HSD17B2: variants seen among roughly 807,000 people sequenced by gnomAD.
The protein encoded by HSD17B2 is 17-beta-hydroxysteroid dehydrogenase type 2.
HSD17B2 carries 32 observed loss-of-function variants against 26.9 expected under a neutral mutation model. The observed-to-expected ratio is 1.19, with a 90% confidence interval of 0.90 to 1.60. The LOEUF is 1.60. Ranked by LOEUF, HSD17B2 falls within the 40% of genes most tolerant of loss-of-function variation. The pLI, the probability that HSD17B2 is intolerant of heterozygous loss-of-function variation, is 0.00. For missense variants in HSD17B2, 613 were observed against 468.6 expected, an observed-to-expected ratio of 1.31 and a Z score of -2.85; for synonymous variants, 246 against 186.7, an observed-to-expected ratio of 1.32 and a Z score of -2.59.
At chr16:82,056,984 G>C (rs1307400834) in intron 1 of HSD17B2, among the ~76,000 whole-genome samples, 4 of 152,142 alleles carry the variant, frequency 2.6e-5, no homozygotes, top group East Asian at 1.9e-4. Flanking sequence ...GCTCTAAATA[G>C]CCAAAGCTAG....
chr16:82,049,428 G>T (rs929553705), intron 1 of HSD17B2, among the ~76,000 whole-genome samples: 1 of 152,214 alleles, frequency 6.6e-6, no homozygotes, highest in African/African-American at 2.4e-5. Flanking sequence ...CAAGTGCCAG[G>T]TACAAAGCAA....
At chr16:82,056,251 G>C (rs1914263824) in intron 1 of HSD17B2, among the ~76,000 whole-genome samples, 1 of 152,208 alleles carries the variant, frequency 6.6e-6, no homozygotes, top group African/African-American at 2.4e-5. Context: ...CCTTGGGATA[G>C]TGGGGCAATT....
chr16:82,048,763 T>C lies in HSD17B2; in HGVS notation c.265+13074T>C, dbSNP rs1432338988. Among the ~76,000 whole-genome samples the C allele has an allele frequency of 9.8e-5, 15 of 152,348 alleles. No homozygotes were observed. The East Asian group carries it at 2.5e-3, about 25-fold the overall frequency. Reference sequence around the variant, plus strand: ...TGGTTAGAAAGGCAATTTACTTATATAGGAAATCTTCAATTGTTTGTGGTG... The same window carrying C: ...TGGTTAGAAAGGCAATTTACTTATACAGGAAATCTTCAATTGTTTGTGGTG... On this transcript the variant is annotated intron_variant, in intron 1 of 4. Transcript: ENST00000199936.
intron 1 of HSD17B2, among the ~76,000 whole-genome samples, chr16:82,050,361 C>T (rs929694509): frequency 1.3e-5 from 2 of 152,014 alleles, no homozygotes; most frequent in African/African-American, 2.4e-5. Context: ...AATTCGTTCT[C>T]GGTGCTGAGG....
chr16:82,076,352 A>G (rs906053482), intron 3 of HSD17B2, among the ~76,000 whole-genome samples: 4 of 152,220 alleles, frequency 2.6e-5, no homozygotes, highest in Non-Finnish European at 5.9e-5. Context: ...CACTTTCACC[A>G]CTGTTATTCC....
At chr16:82,066,621 G>C (rs1173332307) in intron 1 of HSD17B2, among the ~76,000 whole-genome samples, 1 of 152,084 alleles carries the variant, frequency 6.6e-6, no homozygotes, top group Non-Finnish European at 1.5e-5. Context: ...GGAAAACTTA[G>C]GGAATCTCTC....
chr16:82,065,589 G>A (rs552789004), intron 1 of HSD17B2, among the ~76,000 whole-genome samples: 1 of 152,244 alleles, frequency 6.6e-6, no homozygotes, highest in East Asian at 1.9e-4. Flanking sequence ...CACCCAGCAG[G>A]GTGTGTATAA....
chr16:82,046,821 G>T (rs1913944684), intron 1 of HSD17B2, among the ~76,000 whole-genome samples: 1 of 152,224 alleles, frequency 6.6e-6, no homozygotes, highest in African/African-American at 2.4e-5. Flanking sequence ...CAACGATGAA[G>T]AAATTGAGGT....
At chr16:82,097,649 C>A in intron 4 of HSD17B2, 1 of 152,584 alleles carries the variant, frequency 6.6e-6, no homozygotes, top group Admixed American at 6.5e-5. Flanking sequence ...TTTTAAAAGG[C>A]GTTTGCAGGC....
At chr16:82,055,111 A>G (rs372912925) in intron 1 of HSD17B2, among the ~76,000 whole-genome samples, 41 of 152,000 alleles carry the variant, frequency 2.7e-4, no homozygotes, top group Admixed American at 3.9e-4. Context: ...CCTGGGGGGG[A>G]ACTGAAAATC....
chr16:82,041,449 G>A (rs150830231), intron 1 of HSD17B2, among the ~76,000 whole-genome samples: 187 of 152,332 alleles, frequency 1.2e-3, no homozygotes, highest in African/African-American at 3.9e-3. Flanking sequence ...TTGTTCTGTA[G>A]TGACTTAATT....
chr16:82,054,208 G>GAAAAAAAAAAAA (rs74264895), intron 1 of HSD17B2, among the ~76,000 whole-genome samples: 1 of 85,706 alleles, frequency 1.2e-5, no homozygotes, highest in African/African-American at 3.8e-5. Context: ...CCCACATATC[G>GAAAAAAAAAAAA]AAAAAAAAAA....
rs902320781 is a variant in HSD17B2 at position 82,047,183 on chromosome 16, A to T, written c.265+11494A>T. Among the ~76,000 whole-genome samples, 4 of 152,342 alleles carry T rather than the reference A, an allele frequency of 2.6e-5. No homozygotes were observed. In the South Asian group the frequency reaches 8.3e-4, roughly 32 times the overall value. On this transcript the variant is annotated intron_variant, in intron 1 of 4. Coordinates refer to ENST00000199936, the MANE Select transcript of HSD17B2 (RefSeq NM_002153.3). ...GGTGGCACTTCTCCAGTGAGCAATC[A>T]TAAGTGCTCTGTGCTCATGAAGCTT...
chr16:82,096,506 G>C (rs1904843009), intron 4 of HSD17B2: 1 of 152,034 alleles, frequency 6.6e-6, no homozygotes, highest in African/African-American at 2.4e-5. Context: ...TTGCAGGCAT[G>C]AGCCACCATG....
At chr16:82,092,659 G>C (rs755865990) in intron 4 of HSD17B2, 1 of 152,302 alleles carries the variant, frequency 6.6e-6, no homozygotes, top group Non-Finnish European at 1.5e-5. Context: ...GGCAGGACCA[G>C]GGCGATAGAA....
chr16:82,085,747 C>G (rs1904509020), intron 3 of HSD17B2, among the ~76,000 whole-genome samples: 1 of 152,054 alleles, frequency 6.6e-6, no homozygotes. Context: ...GCCTAAGATT[C>G]TGCATGTCTA....
At chr16:82,055,888 T>A (rs1192663055) in intron 1 of HSD17B2, among the ~76,000 whole-genome samples, 1 of 151,988 alleles carries the variant, frequency 6.6e-6, no homozygotes, top group East Asian at 1.9e-4. Context: ...CTGGAGTGAG[T>A]AGATTCTAAG....
intron 4 of HSD17B2, chr16:82,096,136 T>G (rs1904832034): frequency 6.6e-6 from 1 of 152,184 alleles, no homozygotes; most frequent in Non-Finnish European, 1.5e-5. Flanking sequence ...TATGTGTGAA[T>G]TATATTAAAA....
intron 3 of HSD17B2, among the ~76,000 whole-genome samples, chr16:82,088,827 G>C (rs1047377457): frequency 4.6e-5 from 7 of 152,124 alleles, no homozygotes; most frequent in African/African-American, 1.4e-4. Flanking sequence ...GTTAAGCCTT[G>C]GGACCTTTTG....
Sources: gnomAD v4.1 joint callset for allele counts (sites outside exome capture counted in the v4.1 genomes callset) on GRCh38, gnomAD v4.1.1 for gene constraint, MANE v1.5 for transcripts, NCBI Gene and HGNC (gene_info 2026-07-23, HGNC 2026-07-21) for gene names.